The following ZCCHC7 variants were observed in gnomAD, a reference collection of about 807,000 sequenced individuals.
The protein encoded by ZCCHC7 is zinc finger CCHC-type containing 7, also known as zinc finger CCHC domain-containing protein 7.
ZCCHC7 carries 35 observed loss-of-function variants against 52.0 expected under a neutral mutation model. The ratio of observed to expected loss-of-function variants is 0.67; its 90% CI spans 0.51 to 0.89. ZCCHC7 has a LOEUF of 0.89. ZCCHC7 is among the 40% of genes least tolerant of loss of function. ZCCHC7 has a pLI of 0.00. For missense variants in ZCCHC7, 574 were observed against 649.1 expected (o/e 0.88, Z 1.26); for synonymous variants, 217 against 221.5 (o/e 0.98, Z 0.18).
intron 2 of ZCCHC7, among the ~76,000 whole-genome samples, chr9:37,228,025 G>A (rs1825203796): frequency 6.6e-6 from 1 of 152,108 alleles, no homozygotes; most frequent in Non-Finnish European, 1.5e-5. Context: ...TCAAATTCCT[G>A]GCCTCAAGTG....
At chr9:37,182,979 A>G (rs935136238) in intron 2 of ZCCHC7, among the ~76,000 whole-genome samples, 5 of 152,224 alleles carry the variant, frequency 3.3e-5, no homozygotes, top group African/African-American at 1.2e-4. Context: ...CCTGGGCACC[A>G]TAGTGAGACC....
intron 2 of ZCCHC7, among the ~76,000 whole-genome samples, chr9:37,171,885 GA>G (rs142391103): frequency 0.015 from 2,352 of 152,166 alleles, 31 homozygotes; most frequent in Non-Finnish European, 0.022. Context: ...TTTTCAGATG[GA>G]AAAAATTATT....
At chr9:37,209,596 A>T (rs1824105049) in intron 2 of ZCCHC7, among the ~76,000 whole-genome samples, 1 of 152,048 alleles carries the variant, frequency 6.6e-6, no homozygotes, top group South Asian at 2.1e-4. Flanking sequence ...GTATATATGT[A>T]TTTAATGGTT....
intron 2 of ZCCHC7, among the ~76,000 whole-genome samples, chr9:37,134,017 C>T (rs1027023347): frequency 6.6e-6 from 1 of 152,178 alleles, no homozygotes; most frequent in Non-Finnish European, 1.5e-5. Flanking sequence ...AGCCACCGTG[C>T]CCGACTGAAA....
rs139791935 is a variant in ZCCHC7, at chr9:37,170,853, T to C, written c.610+43911T>C. Among the ~76,000 whole-genome samples, 1,111 of 152,256 alleles carry C rather than the reference T, an allele frequency of 7.3e-3. 14 individuals are homozygous for C. Among genetic ancestry groups the C allele is most frequent in the African/African-American group, 0.025 (1,032 of 41,544 alleles). ...TTTCTTAACCTCTGGGGTGATAAAA[T>C]GGTGCTACTTCCAATGACTGTTTGA... On this transcript the variant is annotated intron_variant, in intron 2 of 8. Coordinates refer to ENST00000336755, the MANE Select transcript of ZCCHC7 (RefSeq NM_032226.3).
chr9:37,200,082 TTC>T (rs1267693604), intron 2 of ZCCHC7, among the ~76,000 whole-genome samples: 2 of 152,198 alleles, frequency 1.3e-5, no homozygotes, highest in African/African-American at 4.8e-5. Flanking sequence ...ATGCTTTATA[TTC>T]TCTCTTTTGA....
At position 37,220,306 on chromosome 9, in the gene ZCCHC7, C is replaced by T. The variant is rs991592855; in HGVS notation, c.611-81882C>T. Among the ~76,000 whole-genome samples, 4 of 152,038 alleles carry T rather than the reference C, an allele frequency of 2.6e-5. No homozygotes were observed. In the South Asian group the frequency reaches 6.2e-4, roughly 24 times the overall value. On this transcript the variant is annotated intron_variant, in intron 2 of 8. Coordinates refer to ENST00000336755, the MANE Select transcript of ZCCHC7 (RefSeq NM_032226.3). Reference sequence around the variant, plus strand: ...CTGTAATCCCAGCACTTTGGGAGGCCGAGGCGGGCAGATTACTTGAGGTCA... The same window carrying T: ...CTGTAATCCCAGCACTTTGGGAGGCTGAGGCGGGCAGATTACTTGAGGTCA...
chr9:37,309,949 T>G (rs1253436090), intron 5 of ZCCHC7, among the ~76,000 whole-genome samples: 1 of 151,872 alleles, frequency 6.6e-6, no homozygotes, highest in African/African-American at 2.4e-5. Context: ...GAAAGAAACT[T>G]GCCCTTTTAC....
chr9:37,189,426 G>A (rs1588453225), intron 2 of ZCCHC7, among the ~76,000 whole-genome samples: 1 of 152,090 alleles, frequency 6.6e-6, no homozygotes, highest in East Asian at 1.9e-4. Context: ...TGCACTTGTT[G>A]CCCAGGCTGG....
intron 6 of ZCCHC7, among the ~76,000 whole-genome samples, chr9:37,347,924 C>G (rs79341600): frequency 0.052 from 7,842 of 152,228 alleles, 660 homozygotes; most frequent in African/African-American, 0.18. Context: ...TTACTGTATT[C>G]TCCTATGTCT....
intron 2 of ZCCHC7, among the ~76,000 whole-genome samples, chr9:37,175,677 G>A (rs537587642): frequency 6.6e-6 from 1 of 152,214 alleles, no homozygotes; most frequent in African/African-American, 2.4e-5. Context: ...GGAGGCTGAC[G>A]CTGCAGTGAG....
intron 5 of ZCCHC7, among the ~76,000 whole-genome samples, chr9:37,314,312 G>T (rs1020090995): frequency 2.2e-4 from 33 of 152,108 alleles, no homozygotes; most frequent in African/African-American, 8.0e-4. Flanking sequence ...TGGCACTGAG[G>T]AATGGACTGA....
intron 2 of ZCCHC7, among the ~76,000 whole-genome samples, chr9:37,139,638 G>A (rs528531198): frequency 6.6e-6 from 1 of 151,946 alleles, no homozygotes; most frequent in South Asian, 2.1e-4. Flanking sequence ...TCTTAATCTC[G>A]TGTTTTGCAA....
At chr9:37,271,420 C>A (rs1311526584) in intron 2 of ZCCHC7, among the ~76,000 whole-genome samples, 5 of 152,152 alleles carry the variant, frequency 3.3e-5, no homozygotes, top group Non-Finnish European at 7.3e-5. Flanking sequence ...TAGTTTATTA[C>A]AATGGACCTT....
chr9:37,353,748 A>G (rs1224057192), intron 7 of ZCCHC7, among the ~76,000 whole-genome samples: 4 of 152,220 alleles, frequency 2.6e-5, no homozygotes, highest in African/African-American at 7.2e-5. Context: ...TTTGGCTGCT[A>G]GCTTGGCTAG....
chr9:37,236,786 C>T lies in ZCCHC7; in HGVS notation c.611-65402C>T, dbSNP rs79260184. Among the ~76,000 whole-genome samples, 834 of 152,318 alleles carry T rather than the reference C, an allele frequency of 5.5e-3. 7 individuals are homozygous for T. Among genetic ancestry groups the T allele is most frequent in the African/African-American group, 0.019 (774 of 41,568 alleles). On this transcript the variant is annotated intron_variant, in intron 2 of 8. Coordinates refer to ENST00000336755, the MANE Select transcript of ZCCHC7 (RefSeq NM_032226.3). ...GCACAGTGCAGGCTGCTCAATTTTT[C>T]TGCCTTGGAAGGATGAAAAGCTAAG... is the stretch of plus-strand genomic sequence containing the variant.
At chr9:37,350,406 A>G (rs1821308822) in intron 7 of ZCCHC7, among the ~76,000 whole-genome samples, 1 of 152,208 alleles carries the variant, frequency 6.6e-6, no homozygotes, top group Admixed American at 6.5e-5. Flanking sequence ...TGTTGGGGTT[A>G]CAGGCGTGAG....
intron 2 of ZCCHC7, among the ~76,000 whole-genome samples, chr9:37,272,339 G>A (rs751053426): frequency 2.6e-5 from 4 of 151,914 alleles, no homozygotes; most frequent in Admixed American, 6.6e-5. Flanking sequence ...CCTGTAAAGT[G>A]TGTTGAATTT....
intron 2 of ZCCHC7, among the ~76,000 whole-genome samples, chr9:37,277,467 C>CG (rs1428590652): frequency 8.0e-5 from 12 of 150,008 alleles, no homozygotes; most frequent in African/African-American, 3.0e-4. Flanking sequence ...CATAGTGAGA[C>CG]CCCCCCATCT....
Sources: gnomAD v4.1 joint callset for allele counts (sites outside exome capture counted in the v4.1 genomes callset) on GRCh38, gnomAD v4.1.1 for gene constraint, MANE v1.5 for transcripts, NCBI Gene and HGNC (gene_info 2026-07-23, HGNC 2026-07-21) for gene names.